Variants in HOXB3 observed in about 807,000 individuals in gnomAD.
HOXB3 encodes homeobox B3, also known as homeobox protein Hox-B3.
A neutral mutation model predicts 29.2 loss-of-function variants in HOXB3; 17 were observed. The observed-to-expected ratio is 0.58, with a 90% CI of 0.40 to 0.87. The LOEUF is 0.87. Among genes scored for constraint, HOXB3 ranks in the 40% least tolerant of loss-of-function variants. The pLI, the probability that HOXB3 is intolerant of heterozygous loss-of-function variation, is 0.00. For missense variants in HOXB3, 637 were observed against 616.3 expected, an observed-to-expected ratio of 1.03 and a Z score of -0.35; for synonymous variants, 317 against 285.9, an observed-to-expected ratio of 1.11 and a Z score of -1.10.
In HOXB3 at chr17:48,578,243, C is replaced by T. The variant is rs761232191; in HGVS notation, c.-424-4229G>A. 8 of 1,614,078 alleles carry T rather than the reference C, an allele frequency of 5.0e-6. No individual in the cohort carries two copies. The Admixed American group carries it at 6.7e-5, about 13-fold the overall frequency. On this transcript the variant is annotated intron_variant, in intron 1 of 4. Coordinates refer to ENST00000498678, the MANE Select transcript of HOXB3 (RefSeq NM_001384749.1). ...CGAGTGGTCGCTGGGTAGGTAATCGCTCTGTGAATATTCCTCGCATGGAGG... is the reference window on the plus strand; with the variant it reads ...CGAGTGGTCGCTGGGTAGGTAATCGTTCTGTGAATATTCCTCGCATGGAGG...
intron 4 of HOXB3, among the ~76,000 whole-genome samples, chr17:48,551,655 C>T (rs2068747950): frequency 6.6e-6 from 1 of 152,228 alleles, no homozygotes; most frequent in African/African-American, 2.4e-5. Flanking sequence ...TTTCTGGAGG[C>T]CGGGACCCCG....
At position 48,569,079 on chromosome 17, in the gene HOXB3, T is replaced by C. The variant is rs564011574; in HGVS notation, c.-247+4758A>G. Among the ~76,000 whole-genome samples, 19 of 151,848 alleles carry C rather than the reference T, an allele frequency of 1.3e-4. No homozygotes were observed. The South Asian group carries it at 3.0e-3, about 24-fold the overall frequency. On this transcript the variant is annotated intron_variant, in intron 2 of 4. Coordinates refer to ENST00000498678, the MANE Select transcript of HOXB3 (RefSeq NM_001384749.1). ...TCTCTCTCCCCCCTCTCTTTTTTTT[T>C]CTCGGGGTACAGGCTTGTTTTTCAA...
chr17:48,561,459 C>T (rs2069195597), intron 2 of HOXB3, among the ~76,000 whole-genome samples: 2 of 152,228 alleles, frequency 1.3e-5, no homozygotes, highest in African/African-American at 4.8e-5. Flanking sequence ...TTTCCTAGAG[C>T]CAGACTGAGT....
chr17:48,582,143 C>G (rs1347699600), intron 1 of HOXB3: 1 of 152,300 alleles, frequency 6.6e-6, no homozygotes, highest in Non-Finnish European at 1.5e-5. Flanking sequence ...CGCTAGGAAT[C>G]ATCACCTTTT....
At chr17:48,573,581 T>A (rs1240290437) in intron 2 of HOXB3, among the ~76,000 whole-genome samples, 1 of 151,376 alleles carries the variant, frequency 6.6e-6, no homozygotes, top group African/African-American at 2.4e-5. Context: ...TTCTCTGGGG[T>A]TTTTCATGGG....
chr17:48,555,081 C>A (rs1278988048), intron 3 of HOXB3, among the ~76,000 whole-genome samples: 1 of 151,370 alleles, frequency 6.6e-6, no homozygotes, highest in African/African-American at 2.4e-5. Flanking sequence ...AAGAACCCCA[C>A]CTTGCCAAGC....
rs149268992 is a variant in HOXB3 at position 48,562,607 on chromosome 17, C to A, written c.-246-6989G>T. ...AGAAACTCCCATTAATATCAATTTA[C>A]TTCACTGAAACCTCGGGTTCTTCAT... On this transcript the variant is annotated intron_variant, in intron 2 of 4. Transcript: ENST00000498678. Among the ~76,000 whole-genome samples, 1,059 of 152,290 alleles carry A rather than the reference C, an allele frequency of 7.0e-3. 16 individuals are homozygous for A. Among genetic ancestry groups the A allele is most frequent in the African/African-American group, 0.023 (969 of 41,534 alleles).
chr17:48,587,977 G>C (rs1308255909), intron 1 of HOXB3, among the ~76,000 whole-genome samples: 2 of 152,248 alleles, frequency 1.3e-5, no homozygotes, highest in Non-Finnish European at 2.9e-5. Flanking sequence ...AGCTCAAGAG[G>C]TTGAAGCCTG....
chr17:48,583,959 T>C (rs1049663796), intron 1 of HOXB3, among the ~76,000 whole-genome samples: 2 of 152,242 alleles, frequency 1.3e-5, no homozygotes, highest in Non-Finnish European at 1.5e-5. Flanking sequence ...TCAGGTTATC[T>C]CCATCCTGGA....
At chr17:48,575,711 G>C (rs927148953) in intron 1 of HOXB3, 1 of 145,628 alleles carries the variant, frequency 6.9e-6, no homozygotes, top group Admixed American at 6.7e-5. Flanking sequence ...AATAATAAAC[G>C]ATGCAACATA....
chr17:48,573,781 T>C (rs1355186089), intron 2 of HOXB3, 56 bp downstream of exon 2: 1 of 677,316 alleles, frequency 1.5e-6, no homozygotes, highest in South Asian at 1.6e-5. Flanking sequence ...CTTTCAGTTG[T>C]GAAAAGAGCT....
intron 1 of HOXB3, chr17:48,576,776 T>C (rs752483339): frequency 1.9e-6 from 3 of 1,613,720 alleles, no homozygotes; most frequent in African/African-American, 2.7e-5. Context: ...CGGCTGAGCC[T>C]GCCGCACCAC....
intron 1 of HOXB3, among the ~76,000 whole-genome samples, chr17:48,588,217 A>T (rs990762948): frequency 6.6e-6 from 1 of 152,198 alleles, no homozygotes; most frequent in African/African-American, 2.4e-5. Flanking sequence ...AGGGAGCCTG[A>T]AGTGGAGAAG....
Position 48,551,106 on chromosome 17 carries a change from C to T in HOXB3, c.524G>A (p.Gly175Asp), listed in dbSNP as rs766756049. The T allele has an allele frequency of 1.7e-5, 24 of 1,371,976 alleles. No individual in the cohort carries two copies. Among genetic ancestry groups the T allele is most frequent in the Non-Finnish European group, 2.1e-5 (22 of 1,060,544 alleles). 85.0% of individuals were successfully genotyped at this position (1,371,976 alleles called of 1,614,324 possible). A position where few individuals can be genotyped will look rare whatever the true frequency, so the allele number is the denominator to read the frequency against. Residue 175 changes from glycine to aspartate, a missense_variant, in exon 5 of 5, where the codon GGC becomes GAC. Gly to Asp is a moderately conservative substitution (Grantham distance 94). Coordinates refer to ENST00000498678, the MANE Select transcript of HOXB3 (RefSeq NM_001384749.1). Reference sequence around the variant, plus strand: ...CGGGGGGCTCTTGTCCCCTCCCCCGCCGCCGCCGCCACCGCCCCCGCTGCC... The same window carrying T: ...CGGGGGGCTCTTGTCCCCTCCCCCGTCGCCGCCGCCACCGCCCCCGCTGCC... The part of the protein sequence containing the change: ...SGGSGGGGGG[G>D]GGGDKSPPGS...
rs1258752455 is a variant in HOXB3 at position 48,552,217 on chromosome 17, C to T, written c.258G>A (p.Pro86=). 8.1e-6 allele frequency: 13 copies of T among 1,612,744 alleles called. No homozygotes were observed. The highest frequency in any genetic ancestry group is 8.5e-6 in the Non-Finnish European group (10 of 1,179,694). The part of the protein sequence containing the change: ...PGLAPEPLSA[P]PGSPPPSAAP... ...CGGCACTGGGCGGGGGTGAGCCAGG[C>T]GGGGCCGACAGGGGCTCGGGGGCCA... is the stretch of plus-strand genomic sequence containing the variant. The change falls in exon 4 of 5, where the codon CCG becomes CCA. Residue 86 remains proline, a synonymous_variant. Coordinates refer to ENST00000498678, the MANE Select transcript of HOXB3 (RefSeq NM_001384749.1).
intron 2 of HOXB3, among the ~76,000 whole-genome samples, chr17:48,563,588 G>C (rs1033553555): frequency 1.3e-5 from 2 of 152,218 alleles, no homozygotes; most frequent in Non-Finnish European, 2.9e-5. Flanking sequence ...ATAAATCCCA[G>C]TGCGTCAGGC....
chr17:48,550,757 T>G lies in HOXB3; in HGVS notation c.873A>C (p.Pro291=), dbSNP rs776788997. Residue 291 remains proline (P), a synonymous_variant, in exon 5 of 5, where the codon CCA becomes CCC. Transcript: ENST00000498678. ...SMTPSYESPS[P]PAFGKAHQNA... ...TCTGGTGGGCTTTACCGAAGGCGGG[T>G]GGGGACGGGCTCTCGTAGCTGGGGG... 6.3e-7 allele frequency: 1 copy of G among 1,595,190 alleles called. No homozygotes were observed. The highest frequency in any genetic ancestry group is 8.6e-7 in the Non-Finnish European group (1 of 1,168,064).
intron 1 of HOXB3, chr17:48,580,292 C>T (rs1261039815): frequency 1.3e-5 from 2 of 151,532 alleles, no homozygotes; most frequent in East Asian, 4.1e-4. Flanking sequence ...TGGGTGCCTT[C>T]GCGCCCCTCC....
intron 1 of HOXB3, chr17:48,576,745 T>A: frequency 1.3e-6 from 2 of 1,593,528 alleles, no homozygotes. Context: ...GGGCCTCCAT[T>A]GGGCCGGCCA....
Sources: gnomAD v4.1 joint callset for allele counts (sites outside exome capture counted in the v4.1 genomes callset) on GRCh38, gnomAD v4.1.1 for gene constraint, MANE v1.5 for transcripts, NCBI Gene and HGNC (gene_info 2026-07-23, HGNC 2026-07-21) for gene names.